LINGO2: variants seen among roughly 807,000 people sequenced by gnomAD.
LINGO2 encodes the protein leucine-rich repeat and immunoglobulin-like domain-containing nogo receptor-interacting protein 2.
Under a neutral mutation model 30.6 loss-of-function variants are expected in LINGO2, and 14 were observed. The observed-to-expected ratio is 0.46, with a 90% CI of 0.30 to 0.72. The LOEUF (loss-of-function observed/expected upper bound fraction) is 0.72, where lower values mean the gene tolerates loss of function less well. Ranked by LOEUF, LINGO2 falls within the 30% of genes least tolerant of loss-of-function variation. The probability of loss-of-function intolerance (pLI) is 0.07; values close to 1 mark genes in which losing one functional copy is unlikely to be tolerated. For missense variants in LINGO2, 729 were observed against 751.7 expected, an observed-to-expected ratio of 0.97 and a Z score of 0.35; for synonymous variants, 317 against 288.5, an observed-to-expected ratio of 1.10 and a Z score of -1.00.
At chr9:28,962,657 C>T in the LINGO2 span, among the ~76,000 whole-genome samples, 1 of 151,758 alleles carries the variant, frequency 6.6e-6, no homozygotes, top group Non-Finnish European at 1.5e-5. Flanking sequence ...AGTAAGTACC[C>T]ATATACCAAT....
At chr9:28,065,401 A>C (rs1440204822) in intron 4 of LINGO2, among the ~76,000 whole-genome samples, 1 of 147,512 alleles carries the variant, frequency 6.8e-6, no homozygotes, top group Non-Finnish European at 1.5e-5. Flanking sequence ...GGCCATTGTG[A>C]ATAAGAGGGT....
chr9:28,908,711 A>T, the LINGO2 span, among the ~76,000 whole-genome samples: 14 of 151,982 alleles, frequency 9.2e-5, 1 homozygote, highest in African/African-American at 3.4e-4. Context: ...ATGCACAAGA[A>T]AAGGTTTTTT....
At chr9:28,463,399 G>T (rs1244827357) in intron 2 of LINGO2, among the ~76,000 whole-genome samples, 1 of 151,948 alleles carries the variant, frequency 6.6e-6, no homozygotes, top group African/African-American at 2.4e-5. Flanking sequence ...AAGTAAAAAA[G>T]AAAGAAAAAT....
At chr9:28,026,163 T>G (rs1217187002) in intron 4 of LINGO2, among the ~76,000 whole-genome samples, 1 of 152,208 alleles carries the variant, frequency 6.6e-6, no homozygotes, top group Non-Finnish European at 1.5e-5. Context: ...GGAACTTCTG[T>G]TTATTCTGGT....
At chr9:29,077,196 A>G in the LINGO2 span, among the ~76,000 whole-genome samples, 1 of 152,118 alleles carries the variant, frequency 6.6e-6, no homozygotes, top group Non-Finnish European at 1.5e-5. Flanking sequence ...CAAAAGGGAA[A>G]AAATGTTGGC....
intron 5 of LINGO2, among the ~76,000 whole-genome samples, chr9:27,953,386 G>C (rs532597631): frequency 6.6e-6 from 1 of 152,094 alleles, no homozygotes; most frequent in African/African-American, 2.4e-5. Flanking sequence ...TAGGAATTTA[G>C]TTATATAAGT....
chr9:28,150,935 A>G (rs2133553966), intron 4 of LINGO2, among the ~76,000 whole-genome samples: 1 of 152,350 alleles, frequency 6.6e-6, no homozygotes, highest in East Asian at 1.9e-4. Context: ...AAATATTGCC[A>G]AACTTAATTT....
At chr9:28,547,515 TA>T (rs1368578025) in intron 1 of LINGO2, among the ~76,000 whole-genome samples, 1 of 152,114 alleles carries the variant, frequency 6.6e-6, no homozygotes, top group African/African-American at 2.4e-5. Context: ...AAACTACATA[TA>T]AAACAACTTT....
chr9:28,850,447 G>A, the LINGO2 span, among the ~76,000 whole-genome samples: 3 of 151,888 alleles, frequency 2.0e-5, no homozygotes, highest in African/African-American at 7.3e-5. Context: ...ACCTCTGCCT[G>A]ACTCCCTCTC....
chr9:28,608,168 A>G (rs933502696), intron 1 of LINGO2, among the ~76,000 whole-genome samples: 5 of 151,166 alleles, frequency 3.3e-5, no homozygotes, highest in African/African-American at 1.2e-4. Flanking sequence ...AAAAAAACTT[A>G]GTACTATCTT....
the LINGO2 span, among the ~76,000 whole-genome samples, chr9:28,958,013 C>A: frequency 1.3e-5 from 2 of 152,158 alleles, no homozygotes; most frequent in South Asian, 4.1e-4. Flanking sequence ...AGTCACACTG[C>A]TTTTAATGGC....
intron 4 of LINGO2, among the ~76,000 whole-genome samples, chr9:28,127,164 A>T (rs1008912390): frequency 6.6e-6 from 1 of 152,168 alleles, no homozygotes; most frequent in Non-Finnish European, 1.5e-5. Context: ...CACACCTTTC[A>T]TCTAGAAGTA....
the LINGO2 span, among the ~76,000 whole-genome samples, chr9:28,710,584 CA>C: frequency 0.049 from 7,456 of 151,984 alleles, 206 homozygotes; most frequent in Middle Eastern, 0.079. Flanking sequence ...AATACTTGTT[CA>C]GGGGTTAATA....
intron 2 of LINGO2, among the ~76,000 whole-genome samples, chr9:28,381,151 G>A (rs542696567): frequency 2.8e-4 from 43 of 152,118 alleles, no homozygotes; most frequent in Non-Finnish European, 5.3e-4. Flanking sequence ...CAGGGAGAAA[G>A]CCATCAGTTT....
At chr9:28,943,044 A>G in the LINGO2 span, among the ~76,000 whole-genome samples, 1 of 152,180 alleles carries the variant, frequency 6.6e-6, no homozygotes, top group African/African-American at 2.4e-5. Context: ...CAATTGTAGT[A>G]AGCAACCAGC....
chr9:27,976,427 T>G (rs1028577232), intron 5 of LINGO2, among the ~76,000 whole-genome samples: 3 of 152,036 alleles, frequency 2.0e-5, no homozygotes, highest in African/African-American at 7.2e-5. Flanking sequence ...TATTATAGTT[T>G]TTTGAGACCA....
At chr9:27,989,780 T>A (rs1229587317) in intron 5 of LINGO2, among the ~76,000 whole-genome samples, 2 of 151,980 alleles carry the variant, frequency 1.3e-5, no homozygotes, top group Non-Finnish European at 2.9e-5. Context: ...TTTGACCAAA[T>A]GAAGAAACAG....
At chr9:29,205,208 T>C in the LINGO2 span, among the ~76,000 whole-genome samples, 22 of 152,016 alleles carry the variant, frequency 1.4e-4, no homozygotes, top group African/African-American at 5.1e-4. Flanking sequence ...ACTCAGATAA[T>C]TTTTGTTATT....
the LINGO2 span, among the ~76,000 whole-genome samples, chr9:28,721,136 G>C: frequency 6.6e-6 from 1 of 152,140 alleles, no homozygotes; most frequent in African/African-American, 2.4e-5. Context: ...TCTCATGCCA[G>C]TTAGAATGGC....
Sources: gnomAD v4.1 joint callset for allele counts (sites outside exome capture counted in the v4.1 genomes callset) on GRCh38, gnomAD v4.1.1 for gene constraint, MANE v1.5 for transcripts, NCBI Gene and HGNC (gene_info 2026-07-23, HGNC 2026-07-21) for gene names.